The following PPP1R16B variants were observed in gnomAD, a reference collection of about 807,000 sequenced individuals.
PPP1R16B encodes protein phosphatase 1 regulatory subunit 16B.
In PPP1R16B, 14 loss-of-function variants were observed where a neutral mutation model predicts 61.7. The ratio of observed to expected loss-of-function variants is 0.23; its 90% CI spans 0.15 to 0.35. The LOEUF is 0.35. Among genes scored for constraint, PPP1R16B ranks in the 10% least tolerant of loss-of-function variants. PPP1R16B has a pLI of 1.00. For missense variants in PPP1R16B, 547 were observed against 752.5 expected (o/e 0.73, Z 3.19); for synonymous variants, 266 against 305.3 (o/e 0.87, Z 1.34).
intron 2 of PPP1R16B, among the ~76,000 whole-genome samples, chr20:38,865,634 C>T (rs1431974210): frequency 6.6e-6 from 1 of 152,188 alleles, no homozygotes; most frequent in Non-Finnish European, 1.5e-5. Flanking sequence ...CTTCCACTCA[C>T]GTCCTGCACA....
chr20:38,895,919 TCCCTCCCTCCTTCCTTCTTTCTTC>T (rs2085336468), intron 4 of PPP1R16B, among the ~76,000 whole-genome samples: 8 of 78,338 alleles, frequency 1.0e-4, no homozygotes, highest in East Asian at 5.0e-4. Flanking sequence ...CTTTCTTCCC[TCCCTCCCTCCTTCCTTCTTTCTTC>T]CCTCCCTCCC....
chr20:38,825,796 G>A (rs190109906), intron 1 of PPP1R16B, among the ~76,000 whole-genome samples: 27 of 152,304 alleles, frequency 1.8e-4, no homozygotes, highest in Non-Finnish European at 2.8e-4. Flanking sequence ...ACCATGCCCA[G>A]CCAAGGATTT....
intron 2 of PPP1R16B, among the ~76,000 whole-genome samples, chr20:38,872,402 G>A (rs952034253): frequency 1.3e-5 from 2 of 152,290 alleles, no homozygotes; most frequent in Middle Eastern, 3.4e-3. Context: ...TTTGCGGAGC[G>A]GGAAAGGAGG....
chr20:38,858,566 T>C (rs1307311875), intron 2 of PPP1R16B, among the ~76,000 whole-genome samples: 1 of 152,110 alleles, frequency 6.6e-6, no homozygotes, highest in African/African-American at 2.4e-5. Flanking sequence ...AAACCTGATT[T>C]ATTGGGTAAA....
intron 2 of PPP1R16B, among the ~76,000 whole-genome samples, chr20:38,836,382 C>T (rs1211374583): frequency 6.6e-6 from 1 of 152,084 alleles, no homozygotes; most frequent in East Asian, 1.9e-4. Context: ...GACAGGGTCT[C>T]GCTCTGTCTC....
chr20:38,847,856 G>A (rs1252791583), intron 2 of PPP1R16B, among the ~76,000 whole-genome samples: 1 of 151,940 alleles, frequency 6.6e-6, no homozygotes, highest in Non-Finnish European at 1.5e-5. Flanking sequence ...TTAATGTTTT[G>A]TTTATAGTAA....
chr20:38,897,898 T>C (rs2085362041), intron 4 of PPP1R16B, among the ~76,000 whole-genome samples: 1 of 152,262 alleles, frequency 6.6e-6, no homozygotes, highest in Middle Eastern at 3.2e-3. Flanking sequence ...CTGTATGTCT[T>C]CTTTGGAGAA....
chr20:38,917,313 GA>G (rs1266547873), intron 10 of PPP1R16B, among the ~76,000 whole-genome samples: 1 of 150,286 alleles, frequency 6.7e-6, no homozygotes, highest in African/African-American at 2.4e-5. Context: ...AAAAAAAAAG[GA>G]CTTTTAAGAG....
chr20:38,858,179 C>G (rs2085021339), intron 2 of PPP1R16B, among the ~76,000 whole-genome samples: 1 of 152,174 alleles, frequency 6.6e-6, no homozygotes, highest in Admixed American at 6.5e-5. Context: ...AAAGTCCCAT[C>G]TCCAAATTCC....
intron 2 of PPP1R16B, among the ~76,000 whole-genome samples, chr20:38,848,927 G>A (rs537021588): frequency 2.0e-4 from 31 of 152,248 alleles, no homozygotes; most frequent in African/African-American, 7.5e-4. Context: ...GTTGACCTAT[G>A]TAACACACCT....
intron 1 of PPP1R16B, among the ~76,000 whole-genome samples, chr20:38,823,360 G>GC (rs2084784451): frequency 1.3e-5 from 2 of 152,212 alleles, no homozygotes; most frequent in African/African-American, 4.8e-5. Context: ...GCTCACTGAG[G>GC]CCAGGCACGG....
chr20:38,896,525 T>C (rs995148443), intron 4 of PPP1R16B, among the ~76,000 whole-genome samples: 3 of 152,080 alleles, frequency 2.0e-5, no homozygotes, highest in Non-Finnish European at 4.4e-5. Flanking sequence ...TCACTCTTGG[T>C]CTGTCTCTGT....
At chr20:38,832,289 G>A (rs2084842258) in intron 1 of PPP1R16B, among the ~76,000 whole-genome samples, 1 of 152,166 alleles carries the variant, frequency 6.6e-6, no homozygotes, top group Non-Finnish European at 1.5e-5. Context: ...ACAGACAGAA[G>A]GCAGAGGTGG....
chr20:38,813,469 G>A (rs1317735270), intron 1 of PPP1R16B, among the ~76,000 whole-genome samples: 1 of 152,170 alleles, frequency 6.6e-6, no homozygotes, highest in Non-Finnish European at 1.5e-5. Context: ...GGAAGGGAAG[G>A]TGGGAGGAAG....
At chr20:38,859,004 T>C (rs1431808942) in intron 2 of PPP1R16B, among the ~76,000 whole-genome samples, 1 of 152,114 alleles carries the variant, frequency 6.6e-6, no homozygotes, top group East Asian at 1.9e-4. Context: ...TTGGATGATG[T>C]CTCAGAGCTC....
intron 2 of PPP1R16B, among the ~76,000 whole-genome samples, chr20:38,854,740 G>T (rs560678661): frequency 6.6e-6 from 1 of 152,132 alleles, no homozygotes; most frequent in Non-Finnish European, 1.5e-5. Flanking sequence ...GTGGGTCACC[G>T]TGCAGATTCA....
chr20:38,830,420 G>T (rs371489739), intron 1 of PPP1R16B, among the ~76,000 whole-genome samples: 2 of 152,154 alleles, frequency 1.3e-5, no homozygotes, highest in African/African-American at 4.8e-5. Context: ...AACACTAAAC[G>T]CCATTGTCAT....
At chr20:38,894,763 G>A (rs534583720) in intron 3 of PPP1R16B, among the ~76,000 whole-genome samples, 143 of 152,250 alleles carry the variant, frequency 9.4e-4, no homozygotes, top group African/African-American at 3.4e-3. Flanking sequence ...CTAGCTTGAC[G>A]CTCCTCTGTC....
intron 3 of PPP1R16B, among the ~76,000 whole-genome samples, chr20:38,889,934 C>T (rs1263704879): frequency 3.9e-5 from 6 of 152,252 alleles, no homozygotes; most frequent in African/African-American, 1.2e-4. Flanking sequence ...TGCATCCCTC[C>T]TGCCCATGAA....
Sources: gnomAD v4.1 joint callset for allele counts (sites outside exome capture counted in the v4.1 genomes callset) on GRCh38, gnomAD v4.1.1 for gene constraint, MANE v1.5 for transcripts, NCBI Gene and HGNC (gene_info 2026-07-23, HGNC 2026-07-21) for gene names.